Variants in FKBP5 observed in about 807,000 individuals in gnomAD.
The protein encoded by FKBP5 is peptidyl-prolyl cis-trans isomerase FKBP5.
FKBP5 carries 23 observed loss-of-function variants against 50.5 expected under a neutral mutation model. The ratio of observed to expected loss-of-function variants is 0.46; its 90% CI spans 0.33 to 0.65. FKBP5 has a LOEUF of 0.65. Ranked by LOEUF, FKBP5 falls within the 30% of genes least tolerant of loss-of-function variation. The probability of loss-of-function intolerance (pLI) is 0.02; values close to 1 mark genes in which losing one functional copy is unlikely to be tolerated. For missense variants in FKBP5, 411 were observed against 553.1 expected, an observed-to-expected ratio of 0.74 and a Z score of 2.58; for synonymous variants, 176 against 190.6, an observed-to-expected ratio of 0.92 and a Z score of 0.63.
intron 5 of FKBP5, among the ~76,000 whole-genome samples, chr6:35,613,567 A>G (rs1763557562): frequency 6.6e-6 from 1 of 152,166 alleles, no homozygotes; most frequent in Non-Finnish European, 1.5e-5. Flanking sequence ...TGGTGATGCT[A>G]TAAAGAAAAG....
intron 7 of FKBP5, among the ~76,000 whole-genome samples, chr6:35,587,600 AAAAC>A (rs1202023266): frequency 6.6e-6 from 1 of 152,224 alleles, no homozygotes; most frequent in African/African-American, 2.4e-5. Context: ...TTGCCACTCT[AAAAC>A]AACCAGATAT....
At chr6:35,648,493 C>G (rs576473879) in intron 1 of FKBP5, among the ~76,000 whole-genome samples, 1 of 151,794 alleles carries the variant, frequency 6.6e-6, no homozygotes, top group Admixed American at 6.6e-5. Flanking sequence ...CCAGGCTGGT[C>G]TTGAAGTGAT....
At chr6:35,662,747 T>C (rs1765106494) in intron 1 of FKBP5, among the ~76,000 whole-genome samples, 1 of 152,190 alleles carries the variant, frequency 6.6e-6, no homozygotes, top group Non-Finnish European at 1.5e-5. Flanking sequence ...TGTGCATTCA[T>C]TTTTGCTGCT....
intron 2 of FKBP5, among the ~76,000 whole-genome samples, chr6:35,640,893 C>T (rs57054986): frequency 7.3e-4 from 111 of 152,286 alleles, no homozygotes; most frequent in African/African-American, 2.6e-3. Context: ...GTCTTCAGGA[C>T]AGTAACATGC....
intron 5 of FKBP5, among the ~76,000 whole-genome samples, chr6:35,613,008 C>T (rs1390120043): frequency 6.6e-6 from 1 of 152,178 alleles, no homozygotes; most frequent in African/African-American, 2.4e-5. Flanking sequence ...ATAAAAGTAT[C>T]AGGTAGCAAT....
At chr6:35,616,595 T>TA (rs1051815451) in intron 5 of FKBP5, among the ~76,000 whole-genome samples, 2 of 151,310 alleles carry the variant, frequency 1.3e-5, no homozygotes, top group Admixed American at 6.6e-5. Flanking sequence ...AACAAAAAGT[T>TA]AAAAAAAAAT....
rs912578533 is a variant in FKBP5 at position 35,599,491 on chromosome 6, G to A, written c.509-2087C>T. Among the ~76,000 whole-genome samples, 7 of 152,062 alleles carry A rather than the reference G, an allele frequency of 4.6e-5. No individual in the cohort carries two copies. The East Asian group carries it at 1.2e-3, about 25-fold the overall frequency. On this transcript the variant is annotated intron_variant, in intron 5 of 10. Transcript: ENST00000357266. The stretch of plus-strand genomic sequence containing the variant: ...TTCTACCCTTTTCTTCTCTTTTTTC[G>A]ATTTGCTAAATCTTCTCTGTATTGT...
intron 3 of FKBP5, among the ~76,000 whole-genome samples, chr6:35,624,007 T>C (rs1322078378): frequency 6.6e-6 from 1 of 151,898 alleles, no homozygotes; most frequent in East Asian, 1.9e-4. Context: ...GCCCAGTTTT[T>C]TTCCTTTTTA....
chr6:35,600,663 G>A (rs1348589122), intron 5 of FKBP5, among the ~76,000 whole-genome samples: 1 of 152,024 alleles, frequency 6.6e-6, no homozygotes, highest in African/African-American at 2.4e-5. Flanking sequence ...TTTGTCTGAA[G>A]TTTATTGTTG....
intron 1 of FKBP5, among the ~76,000 whole-genome samples, chr6:35,668,194 T>C (rs1438561478): frequency 2.0e-5 from 3 of 152,244 alleles, no homozygotes; most frequent in Non-Finnish European, 4.4e-5. Context: ...CTTCCCACTA[T>C]ACCCAGCCCT....
rs1025315738 is a variant in FKBP5 at position 35,722,299 on chromosome 6, C to T, written c.-240-1751G>A. 2.6e-5 allele frequency among the ~76,000 whole-genome samples: 4 copies of T among 152,224 alleles called. No homozygotes were observed. The East Asian group carries it at 7.7e-4, about 29-fold the overall frequency. ...CAGAGCAGCACCTGGCAAACATCAG[C>T]GCTTGCTAAACATTTATGAATGAAT... On this transcript the variant is annotated intron_variant, in intron 1 of 11. Coordinates refer to the FKBP5 transcript ENST00000536438.
At chr6:35,687,945 T>C (rs376195361) in intron 1 of FKBP5, among the ~76,000 whole-genome samples, 117 of 152,360 alleles carry the variant, frequency 7.7e-4, no homozygotes, top group African/African-American at 2.5e-3. Context: ...TTGGTAATAC[T>C]GGTTTTTGAC....
At chr6:35,581,895 G>GAGTTGTCTCTCCCCACAAAT in intron 8 of FKBP5, 1 of 985,498 alleles carries the variant, frequency 1.0e-6, no homozygotes. Flanking sequence ...TCTCACTGCC[G>GAGTTGTCTCTCCCCACAAAT]AGTTGTCTCT....
intron 2 of FKBP5, among the ~76,000 whole-genome samples, chr6:35,641,983 ACT>A (rs1764504707): frequency 6.7e-6 from 1 of 149,964 alleles, no homozygotes; most frequent in Non-Finnish European, 1.5e-5. Flanking sequence ...ACAGAGGGAG[ACT>A]CTGTCTCAAA....
In FKBP5 at chr6:35,573,945, C is replaced by G. The variant is rs1299516642; in HGVS notation, c.*1890G>C. 1 of 152,208 alleles carries G rather than the reference C, an allele frequency of 6.6e-6. No individual in the cohort carries two copies. Among genetic ancestry groups the G allele is most frequent in the Non-Finnish European group, 1.5e-5 (1 of 68,044 alleles). 9.4% of individuals were successfully genotyped at this position (152,208 alleles called of 1,614,324 possible). A position where few individuals can be genotyped will look rare whatever the true frequency, so the allele number is the denominator to read the frequency against. On this transcript the variant is annotated 3_prime_UTR_variant, in exon 11 of 11. Transcript: ENST00000357266. ...ATCATCTGAGTCTTGGAATAGCTTT[C>G]TTGTTTGTTATCTGCAAAAAGCTAG...
At chr6:35,677,860 T>C (rs1392611334) in intron 1 of FKBP5, among the ~76,000 whole-genome samples, 1 of 151,968 alleles carries the variant, frequency 6.6e-6, no homozygotes, top group East Asian at 1.9e-4. Context: ...CATGGCTCAT[T>C]GCAGCCTCAA....
At chr6:35,716,956 G>T (rs1442041039) in intron 2 of FKBP5, among the ~76,000 whole-genome samples, 1 of 152,186 alleles carries the variant, frequency 6.6e-6, no homozygotes, top group Non-Finnish European at 1.5e-5. Context: ...TGGGCTAGAG[G>T]GAGGAGTGTG....
At position 35,591,195 on chromosome 6, in the gene FKBP5, G is replaced by A; in HGVS notation, c.691C>T (p.Pro231Ser). 3.7e-6 allele frequency: 6 copies of A among 1,612,210 alleles called. No homozygotes were observed. The highest frequency in any genetic ancestry group is 5.1e-6 in the Non-Finnish European group (6 of 1,178,970). ...PRYGFGEAGKPKFGIEPNAEL... is the reference protein window; with the variant it reads ...PRYGFGEAGKSKFGIEPNAEL... ...GCATTAGGTTCAATGCCAAATTTAG[G>A]CTTCCCTGCCTCTCCAAAACCATAT... The change falls in exon 7 of 11, where the codon CCT becomes TCT. Residue 231 changes from proline to serine, a missense_variant. Around this residue, in one of 3 missense-constraint regions of FKBP5, gnomAD observed 267 missense variants for 405.9 expected, o/e 0.66. Transcript: ENST00000357266.
chr6:35,603,148 T>TATTCATTC (rs201214033), intron 5 of FKBP5, among the ~76,000 whole-genome samples: 1 of 152,196 alleles, frequency 6.6e-6, no homozygotes, highest in Non-Finnish European at 1.5e-5. Context: ...TAGCACCTGA[T>TATTCATTC]ATTCATTCAT....
Sources: gnomAD v4.1 joint callset for allele counts (sites outside exome capture counted in the v4.1 genomes callset) on GRCh38, gnomAD v4.1.1 for gene constraint, gnomAD v4.1.1 regional missense constraint, MANE v1.5 for transcripts, NCBI Gene and HGNC (gene_info 2026-07-23, HGNC 2026-07-21) for gene names.